The following EXT2 variants were observed in gnomAD, a reference collection of about 807,000 sequenced individuals.
EXT2 encodes the protein exostosin glycosyltransferase 2.
A neutral mutation model predicts 81.6 loss-of-function variants in EXT2; 53 were observed. That is an observed-to-expected ratio of 0.65 (90% CI 0.52 to 0.82). The LOEUF (loss-of-function observed/expected upper bound fraction) is 0.82. Ranked by LOEUF, EXT2 falls within the 40% of genes least tolerant of loss-of-function variation. EXT2 has a pLI of 0.00. For missense variants in EXT2, 774 were observed against 910.2 expected, an observed-to-expected ratio of 0.85 and a Z score of 1.93; for synonymous variants, 320 against 340.0, an observed-to-expected ratio of 0.94 and a Z score of 0.65.
chr11:44,106,547 G>A (rs1167310954), intron 1 of EXT2, among the ~76,000 whole-genome samples: 1 of 152,128 alleles, frequency 6.6e-6, no homozygotes, highest in Non-Finnish European at 1.5e-5. Context: ...CCTCATTAGA[G>A]TAGGGTCTTT....
intron 10 of EXT2, among the ~76,000 whole-genome samples, chr11:44,229,033 T>C (rs1390072299): frequency 6.6e-6 from 1 of 152,180 alleles, no homozygotes; most frequent in Non-Finnish European, 1.5e-5. Context: ...CCCCATGCCC[T>C]ACTCCTTTTC....
At chr11:44,233,545 A>G (rs1590667327) in intron 11 of EXT2, among the ~76,000 whole-genome samples, 1 of 152,158 alleles carries the variant, frequency 6.6e-6, no homozygotes. Flanking sequence ...CTGGGAGTAT[A>G]TGGTTTAATT....
intron 8 of EXT2, among the ~76,000 whole-genome samples, chr11:44,177,205 T>TAA (rs1365182722): frequency 6.6e-6 from 1 of 152,234 alleles, no homozygotes; most frequent in African/African-American, 2.4e-5. Flanking sequence ...AGGTTCTTTA[T>TAA]TAGGGGAAGT....
In EXT2 at chr11:44,204,886, T is replaced by C. The variant is rs183586118; in HGVS notation, c.1496-1907T>C. Reference sequence around the variant, plus strand: ...TGACTGTTATAATGTATTCATATTTTATAAGGATTTGGGAATGGTAGATGT... The same window carrying C: ...TGACTGTTATAATGTATTCATATTTCATAAGGATTTGGGAATGGTAGATGT... On this transcript the variant is annotated intron_variant, in intron 9 of 13. Transcript: ENST00000533608. Among the ~76,000 whole-genome samples, 4 of 152,298 alleles carry C rather than the reference T, an allele frequency of 2.6e-5. No individual in the cohort carries two copies. In the East Asian group the frequency reaches 7.7e-4, roughly 29 times the overall value.
At chr11:44,230,655 C>T (rs1955887874) in intron 10 of EXT2, among the ~76,000 whole-genome samples, 2 of 152,090 alleles carry the variant, frequency 1.3e-5, no homozygotes, top group African/African-American at 2.4e-5. Context: ...CAGGCAATGC[C>T]AGAGATTGAC....
At chr11:44,160,161 C>G (rs889129900) in intron 7 of EXT2, among the ~76,000 whole-genome samples, 3 of 152,178 alleles carry the variant, frequency 2.0e-5, no homozygotes, top group African/African-American at 7.2e-5. Context: ...CCATCTCTCT[C>G]CCTGACTGGG....
intron 7 of EXT2, among the ~76,000 whole-genome samples, chr11:44,135,607 G>C (rs1590581179): frequency 6.6e-6 from 1 of 152,172 alleles, no homozygotes; most frequent in Middle Eastern, 3.4e-3. Context: ...GCCCAGGCTG[G>C]TCTCGAACTC....
chr11:44,218,224 A>G (rs1015506880), intron 10 of EXT2, among the ~76,000 whole-genome samples: 4 of 152,212 alleles, frequency 2.6e-5, no homozygotes, highest in Non-Finnish European at 5.9e-5. Flanking sequence ...GGAATGCCCC[A>G]GTTTTTTCAT....
chr11:44,126,895 T>A lies in EXT2; in HGVS notation c.1019T>A (p.Val340Asp), dbSNP rs371996957. The A allele has an allele frequency of 8.7e-6, 14 of 1,614,192 alleles. No individual in the cohort carries two copies. The highest frequency in any genetic ancestry group is 1.2e-5 in the Non-Finnish European group (14 of 1,180,028). Residue 340 changes from valine (V) to aspartate (D), a missense_variant, in exon 6 of 14, where the codon GTC becomes GAC. Coordinates refer to ENST00000533608, the MANE Select transcript of EXT2 (RefSeq NM_207122.2). ...VLSDVLQAGC[V>D]PVVIADSYIL... Reference sequence around the variant, plus strand: ...AGCGATGTGTTACAAGCTGGCTGTGTCCCGGTTGTCATTGCAGACTCCTAT... The same window carrying A: ...AGCGATGTGTTACAAGCTGGCTGTGACCCGGTTGTCATTGCAGACTCCTAT...
At chr11:44,180,290 T>C (rs1340119786) in intron 8 of EXT2, among the ~76,000 whole-genome samples, 1 of 152,232 alleles carries the variant, frequency 6.6e-6, no homozygotes, top group Non-Finnish European at 1.5e-5. Context: ...TGTTCCATCT[T>C]ACCGTTATGA....
At chr11:44,218,121 G>T (rs1228492412) in intron 10 of EXT2, among the ~76,000 whole-genome samples, 1 of 152,182 alleles carries the variant, frequency 6.6e-6, no homozygotes, top group Non-Finnish European at 1.5e-5. Flanking sequence ...CTAATACATT[G>T]TGAGAATTTA....
In EXT2 at chr11:44,107,751, C is replaced by A; in HGVS notation, c.39C>A (p.Ala13=). The A allele has an allele frequency of 6.2e-7, 1 of 1,614,150 alleles. No homozygotes were observed. Among genetic ancestry groups the A allele is most frequent in the Non-Finnish European group, 8.5e-7 (1 of 1,180,042 alleles). ...ASVKYNIRGP[A]LIPRMKTKHR... ...TCAAGTATAATATCCGGGGTCCTGC[C>A]CTCATCCCAAGAATGAAGACCAAGC... Residue 13 remains alanine, a synonymous_variant, in exon 2 of 14, where the codon GCC becomes GCA. Transcript: ENST00000533608.
chr11:44,190,326 T>A (rs1186603590), intron 8 of EXT2, among the ~76,000 whole-genome samples: 1 of 152,202 alleles, frequency 6.6e-6, no homozygotes, highest in African/African-American at 2.4e-5. Context: ...TAATTCATAA[T>A]TGAAACCACA....
chr11:44,175,062 G>A (rs1955139437), intron 8 of EXT2, among the ~76,000 whole-genome samples: 1 of 152,238 alleles, frequency 6.6e-6, no homozygotes, highest in Admixed American at 6.5e-5. Flanking sequence ...GGAGTAATGT[G>A]ATAAGATTGC....
Position 44,107,667 on chromosome 11 carries a change from T to C in EXT2, c.-30-16T>C, listed in dbSNP as rs758928603. 9 of 1,596,272 alleles carry C rather than the reference T, an allele frequency of 5.6e-6. No homozygotes were observed. The African/African-American group carries it at 8.1e-5, about 14-fold the overall frequency. On this transcript the variant is annotated splice_polypyrimidine_tract_variant and intron_variant, in intron 1 of 13. Transcript: ENST00000533608. Reference sequence around the variant, plus strand: ...CTAAATACTTGGTTTTTCTTATTTCTCTCCCTGGTGACCAGGAGTGTGAGG... The same window carrying C: ...CTAAATACTTGGTTTTTCTTATTTCCCTCCCTGGTGACCAGGAGTGTGAGG...
intron 8 of EXT2, among the ~76,000 whole-genome samples, chr11:44,196,907 T>C (rs973342324): frequency 3.9e-5 from 6 of 152,174 alleles, no homozygotes; most frequent in Non-Finnish European, 5.9e-5. Context: ...TGCTCATGAT[T>C]GAGAGGGAAG....
chr11:44,114,583 A>T (rs186978745), intron 4 of EXT2, among the ~76,000 whole-genome samples: 46 of 152,282 alleles, frequency 3.0e-4, no homozygotes, highest in Non-Finnish European at 1.5e-5. Context: ...CAAAGTAGGA[A>T]GTCGTATTGA....
intron 8 of EXT2, among the ~76,000 whole-genome samples, chr11:44,179,545 C>T (rs562803246): frequency 1.3e-5 from 2 of 152,306 alleles, no homozygotes; most frequent in South Asian, 4.1e-4. Flanking sequence ...GCAAAGTAAT[C>T]TTTCATGTAC....
intron 8 of EXT2, among the ~76,000 whole-genome samples, chr11:44,179,196 G>T (rs920457846): frequency 6.6e-6 from 1 of 151,998 alleles, no homozygotes; most frequent in African/African-American, 2.4e-5. Context: ...ATGAAAAGAC[G>T]GACTCGAGGA....
Sources: gnomAD v4.1 joint callset for allele counts (sites outside exome capture counted in the v4.1 genomes callset) on GRCh38, gnomAD v4.1.1 for gene constraint, MANE v1.5 for transcripts, NCBI Gene and HGNC (gene_info 2026-07-23, HGNC 2026-07-21) for gene names.